The following PRKCA variants were observed in gnomAD, a reference collection of about 807,000 sequenced individuals.
PRKCA encodes protein kinase C alpha type.
A neutral mutation model predicts 87.0 loss-of-function variants in PRKCA; 27 were observed. That is an observed-to-expected ratio of 0.31 (90% CI 0.23 to 0.43). The LOEUF (loss-of-function observed/expected upper bound fraction) is 0.43. PRKCA is among the 20% of genes least tolerant of loss of function. The pLI is 1.00. For synonymous variants in PRKCA, 329 were observed against 311.1 expected, an observed-to-expected ratio of 1.06 and a Z score of -0.61; for missense variants, 518 against 852.3, an observed-to-expected ratio of 0.61 and a Z score of 4.88.
intron 13 of PRKCA, among the ~76,000 whole-genome samples, chr17:66,746,421 CA>C (rs779942748): frequency 8.3e-4 from 126 of 152,066 alleles, no homozygotes; most frequent in Middle Eastern, 6.8e-3. Flanking sequence ...CAGATAGGTT[CA>C]AGGTTTCAAA....
At chr17:66,780,825 A>G (rs1369415545) in intron 14 of PRKCA, among the ~76,000 whole-genome samples, 1 of 152,110 alleles carries the variant, frequency 6.6e-6, no homozygotes, top group African/African-American at 2.4e-5. Context: ...ATAGGGCTTC[A>G]GGCCAGGCGT....
intron 3 of PRKCA, among the ~76,000 whole-genome samples, chr17:66,501,700 G>A (rs1235504740): frequency 1.3e-5 from 2 of 152,194 alleles, no homozygotes; most frequent in East Asian, 1.9e-4. Flanking sequence ...TCCAGCATCC[G>A]AGGTTTCATC....
At chr17:66,774,209 G>T in intron 14 of PRKCA, 142 bp downstream of exon 14, 1 of 1,526,700 alleles carries the variant, frequency 6.6e-7, no homozygotes, top group Non-Finnish European at 8.8e-7. Context: ...GAAAGAGGGA[G>T]AAACGCCCCC....
chr17:66,674,145 C>G (rs1265996476), intron 5 of PRKCA, among the ~76,000 whole-genome samples: 1 of 152,202 alleles, frequency 6.6e-6, no homozygotes, highest in Non-Finnish European at 1.5e-5. Context: ...GGAGTGATCC[C>G]TGGGGATGCG....
intron 14 of PRKCA, 124 bp from the exon 15 acceptor site, chr17:66,786,743 G>C: frequency 1.5e-6 from 1 of 660,972 alleles, no homozygotes; most frequent in Non-Finnish European, 2.7e-6. Flanking sequence ...TGAGCAAACT[G>C]TGCAGCCTGT....
intron 3 of PRKCA, among the ~76,000 whole-genome samples, chr17:66,600,692 C>T (rs1970041651): frequency 2.8e-5 from 1 of 35,908 alleles, no homozygotes; most frequent in East Asian, 5.0e-4. Flanking sequence ...ATGGTCTTTA[C>T]ATTTTGGCAT....
intron 2 of PRKCA, among the ~76,000 whole-genome samples, chr17:66,448,731 A>G (rs1914160290): frequency 6.6e-6 from 1 of 152,126 alleles, no homozygotes; most frequent in South Asian, 2.1e-4. Context: ...ATTCAGCAAC[A>G]TCACACATCC....
intron 3 of PRKCA, among the ~76,000 whole-genome samples, chr17:66,628,438 AAAATGTTTAACAT>A (rs1970917489): frequency 6.6e-6 from 1 of 152,158 alleles, no homozygotes; most frequent in African/African-American, 2.4e-5. Context: ...ATGACATGGA[AAAATGTTTAACAT>A]AAACTGTTAG....
intron 2 of PRKCA, among the ~76,000 whole-genome samples, chr17:66,317,420 TAC>T (rs1185436888): frequency 2.6e-5 from 4 of 152,224 alleles, no homozygotes; most frequent in African/African-American, 9.7e-5. Context: ...ACTGTGAACT[TAC>T]AGTGTACTAC....
chr17:66,323,599 C>T (rs937330745), intron 2 of PRKCA, among the ~76,000 whole-genome samples: 1 of 152,136 alleles, frequency 6.6e-6, no homozygotes, highest in Non-Finnish European at 1.5e-5. Context: ...TCAACTGCTT[C>T]TGTGGGCAAG....
chr17:66,717,964 C>T (rs1022939842), intron 8 of PRKCA, among the ~76,000 whole-genome samples: 3 of 152,182 alleles, frequency 2.0e-5, no homozygotes, highest in Non-Finnish European at 2.9e-5. Context: ...CACCCAGGCC[C>T]TTATTTCCAG....
chr17:66,566,479 G>GTTTTTTTTTTTTTTTTTTT (rs368602635), intron 3 of PRKCA, among the ~76,000 whole-genome samples: 1 of 74,704 alleles, frequency 1.3e-5, no homozygotes. Flanking sequence ...GTTGTTTTTT[G>GTTTTTTTTTTTTTTTTTTT]GTTTTTTTTT....
Position 66,525,794 on chromosome 17 carries a change from A to G in PRKCA, c.288+29511A>G, listed in dbSNP as rs184048521. On this transcript the variant is annotated intron_variant, in intron 3 of 16. Transcript: ENST00000413366. Reference sequence around the variant, plus strand: ...AAATAAACTCCTGACTTCATGAATTAAACAGAAACATGTCAGGGCCACTCC... The same window carrying G: ...AAATAAACTCCTGACTTCATGAATTGAACAGAAACATGTCAGGGCCACTCC... 2.3e-3 allele frequency among the ~76,000 whole-genome samples: 356 copies of G among 152,332 alleles called. 2 individuals carry two copies. The highest frequency in any genetic ancestry group is 7.9e-3 in the African/African-American group (329 of 41,564).
At chr17:66,386,585 T>A (rs1239071883) in intron 2 of PRKCA, among the ~76,000 whole-genome samples, 1 of 152,216 alleles carries the variant, frequency 6.6e-6, no homozygotes, top group Non-Finnish European at 1.5e-5. Context: ...TGGGACACAG[T>A]GAGTGATCAG....
chr17:66,373,075 A>G (rs1909209886), intron 2 of PRKCA, among the ~76,000 whole-genome samples: 1 of 152,110 alleles, frequency 6.6e-6, no homozygotes, highest in Non-Finnish European at 1.5e-5. Context: ...GAGGGGAACA[A>G]AGGGAGAGAG....
intron 2 of PRKCA, among the ~76,000 whole-genome samples, chr17:66,431,553 A>G (rs1187010911): frequency 6.6e-6 from 1 of 152,210 alleles, no homozygotes; most frequent in East Asian, 1.9e-4. Context: ...CATCAGAAAT[A>G]TTGCAGAAGT....
chr17:66,745,692 A>T (rs924551214), intron 13 of PRKCA, among the ~76,000 whole-genome samples: 5 of 152,144 alleles, frequency 3.3e-5, no homozygotes, highest in Non-Finnish European at 7.4e-5. Context: ...AAAATAAATA[A>T]ATAAATAAAT....
intron 2 of PRKCA, among the ~76,000 whole-genome samples, chr17:66,388,306 T>C (rs1910176063): frequency 6.6e-6 from 1 of 152,146 alleles, no homozygotes; most frequent in South Asian, 2.1e-4. Flanking sequence ...CTTTTTTTTT[T>C]TCTTTGGGAC....
chr17:66,745,603 C>T (rs1334627791), intron 13 of PRKCA, among the ~76,000 whole-genome samples: 1 of 152,138 alleles, frequency 6.6e-6, no homozygotes, highest in East Asian at 1.9e-4. Flanking sequence ...ATCGCTTGAA[C>T]CTGGGAGGCA....
Sources: allele counts gnomAD v4.1 joint callset (sites outside exome capture counted in the v4.1 genomes callset), GRCh38; gene constraint gnomAD v4.1.1; transcripts MANE v1.5; gene names NCBI Gene and HGNC (gene_info 2026-07-23, HGNC 2026-07-21).